The following SNPH variants were observed in gnomAD, a reference collection of about 807,000 sequenced individuals.
SNPH encodes syntaphilin.
SNPH carries 10 observed loss-of-function variants against 36.8 expected under a neutral mutation model. The observed-to-expected ratio is 0.27, with a 90% CI of 0.17 to 0.46. SNPH has a LOEUF of 0.46. Among genes scored for constraint, SNPH ranks in the 20% least tolerant of loss-of-function variants. The pLI, the probability that SNPH is intolerant of heterozygous loss-of-function variation, is 1.00. For synonymous variants in SNPH, 281 were observed against 312.2 expected, an observed-to-expected ratio of 0.90 and a Z score of 1.05; for missense variants, 622 against 744.0, an observed-to-expected ratio of 0.84 and a Z score of 1.91.
At chr20:1,297,104 G>C in intron 4 of SNPH, 41 bp from the exon 5 acceptor site, 1 of 1,579,694 alleles carries the variant, frequency 6.3e-7, no homozygotes, top group Non-Finnish European at 8.6e-7. Flanking sequence ...GCAGCTGCCC[G>C]CCAGCCAGAA....
At chr20:1,277,741 GTGTGTC>G (rs1258890507) in intron 2 of SNPH, among the ~76,000 whole-genome samples, 1 of 132,824 alleles carries the variant, frequency 7.5e-6, no homozygotes, top group Non-Finnish European at 1.6e-5. Flanking sequence ...TGTGTGTGTC[GTGTGTC>G]TGTGTGTGTG....
chr20:1,280,149 G>A (rs192067065), intron 2 of SNPH, among the ~76,000 whole-genome samples: 2 of 152,342 alleles, frequency 1.3e-5, no homozygotes, highest in East Asian at 3.9e-4. Flanking sequence ...GAGCCTGGAC[G>A]AGGACCTCGT....
At chr20:1,283,691 G>A (rs901175374) in intron 2 of SNPH, among the ~76,000 whole-genome samples, 1 of 152,172 alleles carries the variant, frequency 6.6e-6, no homozygotes, top group African/African-American at 2.4e-5. Context: ...TGGAATCTCC[G>A]TAGTCACCTG....
chr20:1,273,135 G>T (rs2088091933), intron 2 of SNPH, among the ~76,000 whole-genome samples: 2 of 152,166 alleles, frequency 1.3e-5, no homozygotes, highest in Admixed American at 1.3e-4. Context: ...CCTCTCCTTG[G>T]GTTGTGCTGT....
Position 1,305,402 on chromosome 20 carries a change from A to G in SNPH, c.965A>G (p.His322Arg). ...VDCGTEETSL[H>R]SSFGLGPRFP... ...TGTGGCACCGAGGAGACCTCGCTGC[A>G]CAGCTCCTTCGGCCTGGGCCCCCGC... is the stretch of plus-strand genomic sequence containing the variant. Residue 322 changes from histidine to arginine, a missense_variant, in exon 7 of 7, where the codon CAC becomes CGC. This residue lies in a region of SNPH where 379 missense variants were observed against 427.9 expected (regional missense o/e 0.89). Transcript: ENST00000381867. 21 of 1,613,046 alleles carry G rather than the reference A, an allele frequency of 1.3e-5. No individual in the cohort carries two copies. Among genetic ancestry groups the G allele is most frequent in the Non-Finnish European group, 1.7e-5 (20 of 1,180,018 alleles).
At chr20:1,267,898 C>T (rs2088027456) in intron 2 of SNPH, among the ~76,000 whole-genome samples, 1 of 152,218 alleles carries the variant, frequency 6.6e-6, no homozygotes, top group African/African-American at 2.4e-5. Flanking sequence ...TCTAGGGGTA[C>T]AGCCCGCAGA....
In SNPH at chr20:1,295,951, G is replaced by T. The variant is rs542739252; in HGVS notation, c.-289G>T. On this transcript the variant is annotated 5_prime_UTR_variant, in exon 4 of 7. Coordinates refer to ENST00000381867, the MANE Select transcript of SNPH (RefSeq NM_001318234.2). The stretch of plus-strand genomic sequence containing the variant: ...GTCTGAGTATCAGGGTCCTGGGGAA[G>T]AAGCAGGCCTGGCTCGTAGAGTAGA... 5.2e-6 allele frequency: 2 copies of T among 384,630 alleles called. No individual in the cohort carries two copies. Among genetic ancestry groups the T allele is most frequent in the Admixed American group, 4.8e-5 (1 of 21,028 alleles). 23.8% of individuals were successfully genotyped at this position (384,630 alleles called of 1,614,324 possible). A position where few individuals can be genotyped will look rare whatever the true frequency, so the allele number is the denominator to read the frequency against.
chr20:1,278,232 CTGTG>C (rs1459040288), intron 2 of SNPH, among the ~76,000 whole-genome samples: 4 of 150,322 alleles, frequency 2.7e-5, no homozygotes, highest in South Asian at 2.1e-4. Context: ...GTGTCAGTGT[CTGTG>C]TGTGTGTATC....
intron 2 of SNPH, among the ~76,000 whole-genome samples, chr20:1,287,991 G>A (rs938501043): frequency 6.6e-6 from 1 of 152,198 alleles, no homozygotes; most frequent in Non-Finnish European, 1.5e-5. Context: ...TCTGCAGAGG[G>A]GCAGCCGTGG....
chr20:1,285,743 G>A lies in SNPH; in HGVS notation c.-492-9208G>A, dbSNP rs540088064. Among the ~76,000 whole-genome samples the A allele has an allele frequency of 2.4e-4, 36 of 152,268 alleles. No individual in the cohort carries two copies. The South Asian group carries it at 2.5e-3, about 11-fold the overall frequency. On this transcript the variant is annotated intron_variant, in intron 2 of 6. Coordinates refer to ENST00000381867, the MANE Select transcript of SNPH (RefSeq NM_001318234.2). This position sits in a 1 kb window ranked among gnomAD's most constrained non-coding sequence, Gnocchi z 4.9. The stretch of plus-strand genomic sequence containing the variant: ...TTCAGTTACATTTGATGTTCAAGCC[G>A]TGGTTTCTTTCTGTCGGGTTAGTCT...
chr20:1,288,023 A>G (rs1389211798), intron 2 of SNPH, among the ~76,000 whole-genome samples: 1 of 152,220 alleles, frequency 6.6e-6, no homozygotes, highest in Non-Finnish European at 1.5e-5. Context: ...TGGTGGAAGC[A>G]TGGGAACCAG....
At chr20:1,271,633 T>C (rs2088074499) in intron 2 of SNPH, among the ~76,000 whole-genome samples, 1 of 152,158 alleles carries the variant, frequency 6.6e-6, no homozygotes, top group Non-Finnish European at 1.5e-5. Context: ...GTAATGACTT[T>C]AGGGGGTAAA....
intron 2 of SNPH, among the ~76,000 whole-genome samples, chr20:1,287,302 A>T (rs760304348): frequency 2.6e-5 from 4 of 152,170 alleles, no homozygotes; most frequent in Non-Finnish European, 4.4e-5. Context: ...ATTTTATTGC[A>T]TGTCATTTAT....
At position 1,296,313 on chromosome 20, in the gene SNPH, C is replaced by A. The variant is rs1326829807; in HGVS notation, c.74C>A (p.Pro25His). ...CTTTCTGCGGGCCCCCCAACCCGCC[C>A]TCTCTCCTCAGCCCCCGGGATACCG... Reference protein sequence around the residue: ...PALSAGPPTRPLSSAPGIPPI... With the variant: ...PALSAGPPTRHLSSAPGIPPI... Residue 25 changes from proline (P) to histidine (H), a missense_variant, in exon 4 of 7, where the codon CCT (proline) becomes CAT (histidine). This residue lies in a region of SNPH where 187 missense variants were observed against 209.4 expected (regional missense o/e 0.89). Transcript: ENST00000381867. 8 of 1,590,486 alleles carry A rather than the reference C, an allele frequency of 5.0e-6. No individual in the cohort carries two copies. Among genetic ancestry groups the A allele is most frequent in the Non-Finnish European group, 6.0e-6 (7 of 1,170,090 alleles).
At chr20:1,277,641 TGC>T (rs2088152568) in intron 2 of SNPH, among the ~76,000 whole-genome samples, 3 of 149,320 alleles carry the variant, frequency 2.0e-5, no homozygotes, top group Non-Finnish European at 3.0e-5. Context: ...TGTGTGTCTG[TGC>T]CTGTGTGTCT....
At chr20:1,297,336 G>C (rs1273555614) in intron 5 of SNPH, 84 bp downstream of exon 5, 3 of 1,334,756 alleles carry the variant, frequency 2.2e-6, no homozygotes, top group Non-Finnish European at 3.1e-6. Context: ...GAGCAGGGTC[G>C]TGTTCTAACC....
intron 2 of SNPH, among the ~76,000 whole-genome samples, chr20:1,278,164 C>T (rs1041167105): frequency 7.2e-6 from 1 of 138,364 alleles, no homozygotes; most frequent in African/African-American, 2.7e-5. Flanking sequence ...GTGTCTGTGC[C>T]GGTGTGTCTG....
intron 2 of SNPH, among the ~76,000 whole-genome samples, chr20:1,277,778 TG>T (rs2088159016): frequency 6.7e-6 from 1 of 149,774 alleles, no homozygotes; most frequent in African/African-American, 2.5e-5. Flanking sequence ...TCTGTCTCTG[TG>T]TGTGCCTGTG....
Position 1,266,689 on chromosome 20 carries a change from T to C in SNPH, c.-564T>C. 1 of 1,465,752 alleles carries C rather than the reference T, an allele frequency of 6.8e-7. No homozygotes were observed. Among genetic ancestry groups the C allele is most frequent in the Non-Finnish European group, 9.0e-7 (1 of 1,112,294 alleles). 90.8% of individuals were successfully genotyped at this position (1,465,752 alleles called of 1,614,324 possible). A position where few individuals can be genotyped will look rare whatever the true frequency, so the allele number is the denominator to read the frequency against. ...AGGGCCAGGCGGCTGCAGCAGCGAC[T>C]GCAGAGGCGCTGCGCCAAGCCGGGC... On this transcript the variant is annotated 5_prime_UTR_variant, in exon 2 of 7. Coordinates refer to ENST00000381867, the MANE Select transcript of SNPH (RefSeq NM_001318234.2). This position sits in a 1 kb window ranked among gnomAD's most constrained non-coding sequence, Gnocchi z 6.0.
Sources: allele counts gnomAD v4.1 joint callset (sites outside exome capture counted in the v4.1 genomes callset), GRCh38; gene constraint gnomAD v4.1.1; regional missense constraint gnomAD v4.1.1; non-coding constraint Gnocchi (gnomAD v3.1); transcripts MANE v1.5; gene names NCBI Gene and HGNC (gene_info 2026-07-23, HGNC 2026-07-21).